The following IL17RA variants were observed in gnomAD, a reference collection of about 807,000 sequenced individuals.
The protein encoded by IL17RA is interleukin-17 receptor A.
A neutral mutation model predicts 50.4 loss-of-function variants in IL17RA; 34 were observed. The observed-to-expected ratio is 0.67, with a 90% CI of 0.51 to 0.90. The LOEUF (loss-of-function observed/expected upper bound fraction) is 0.90. Ranked by LOEUF, IL17RA falls within the 40% of genes least tolerant of loss-of-function variation. The probability of loss-of-function intolerance (pLI) is 0.00; values close to 1 mark genes in which losing one functional copy is unlikely to be tolerated. For missense variants in IL17RA, 1,276 were observed against 1,169.8 expected, an observed-to-expected ratio of 1.09 and a Z score of -1.32; for synonymous variants, 585 against 510.4, an observed-to-expected ratio of 1.15 and a Z score of -1.97.
In IL17RA at chr22:17,110,807, G is replaced by A. The variant is rs882644; in HGVS notation, c.*987G>A. 93,812 of 152,050 alleles carry A rather than the reference G, an allele frequency of 0.62. 29,385 individuals are homozygous for A. The highest frequency in any genetic ancestry group is 0.71 in the Middle Eastern group (211 of 296). The allele number at this position is 152,050 out of a possible 1,614,324, so 9.4% of individuals were successfully genotyped here. On this transcript the variant is annotated 3_prime_UTR_variant, in exon 13 of 13. Transcript: ENST00000319363. The stretch of plus-strand genomic sequence containing the variant: ...GTACCATTGCAATCCAGCCTGGGCA[G>A]CAGAGTGAGACCCTGTCTCAAAAAA...
intron 1 of IL17RA, among the ~76,000 whole-genome samples, chr22:17,091,240 G>A (rs1162774400): frequency 6.6e-6 from 1 of 152,160 alleles, no homozygotes; most frequent in Non-Finnish European, 1.5e-5. Flanking sequence ...GTCTTTTCAT[G>A]TCAACATATC....
chr22:17,113,175 T>G lies in IL17RA; in HGVS notation c.*3355T>G, dbSNP rs2061451779. The G allele has an allele frequency of 6.6e-6, 1 of 152,174 alleles. No individual in the cohort carries two copies. Among genetic ancestry groups the G allele is most frequent in the African/African-American group, 2.4e-5 (1 of 41,428 alleles). The allele number at this position is 152,174 out of a possible 1,614,324, so 9.4% of individuals were successfully genotyped here. On this transcript the variant is annotated 3_prime_UTR_variant, in exon 13 of 13. Transcript: ENST00000319363. ...TGCAAGGGTATGATGGATATACTTC[T>G]TTCTTGCTTTTGTTGTGTTTTGGTT... is the stretch of plus-strand genomic sequence containing the variant.
Position 17,109,343 on chromosome 22 carries a change from C to T in IL17RA, c.2124C>T (p.Ser708=), listed in dbSNP as rs1375826395. The T allele has an allele frequency of 1.3e-6, 2 of 1,580,780 alleles. No individual in the cohort carries two copies. Among genetic ancestry groups the T allele is most frequent in the East Asian group, 2.3e-5 (1 of 43,616 alleles). Reference sequence around the variant, plus strand: ...GCGAGGCCTGCCCGCTGCTGGGCAGCCCGGGCGCTGGGCGAAATAGCGTCC... The same window carrying T: ...GCGAGGCCTGCCCGCTGCTGGGCAGTCCGGGCGCTGGGCGAAATAGCGTCC... ...GEGEACPLLG[S]PGAGRNSVLF... Residue 708 remains serine, a synonymous_variant, in exon 13 of 13, where the codon AGC becomes AGT. Coordinates refer to ENST00000319363, the MANE Select transcript of IL17RA (RefSeq NM_014339.7).
chr22:17,089,064 G>A (rs757401886), intron 1 of IL17RA, among the ~76,000 whole-genome samples: 4 of 152,092 alleles, frequency 2.6e-5, no homozygotes, highest in African/African-American at 9.7e-5. Context: ...CCAAAATGCT[G>A]GGATTACAAG....
In IL17RA at chr22:17,109,102, G is replaced by A. The variant is rs1568923892; in HGVS notation, c.1883G>A (p.Gly628Asp). 1 of 1,560,374 alleles carries A rather than the reference G, an allele frequency of 6.4e-7. No individual in the cohort carries two copies. The highest frequency in any genetic ancestry group is 2.3e-5 in the East Asian group (1 of 43,198). The change falls in exon 13 of 13, where the codon GGC becomes GAC. Residue 628 changes from glycine to aspartate, a missense_variant. Coordinates refer to ENST00000319363, the MANE Select transcript of IL17RA (RefSeq NM_014339.7). ...VKRAPLVREP[G>D]SQACLAIDPL... ...CGGGCGCCCCTGGTGCGCGAGCCTG[G>A]CTCCCAGGCCTGCCTGGCCATAGAC...
chr22:17,095,992 G>A (rs1407526394), intron 1 of IL17RA, among the ~76,000 whole-genome samples: 1 of 152,194 alleles, frequency 6.6e-6, no homozygotes, highest in South Asian at 2.1e-4. Context: ...TCAAGAGAGA[G>A]GAGGGTGTCA....
intron 5 of IL17RA, among the ~76,000 whole-genome samples, chr22:17,101,419 C>G (rs550622386): frequency 2.2e-4 from 33 of 152,368 alleles, no homozygotes; most frequent in African/African-American, 7.9e-4. Context: ...GCTCATCACT[C>G]CCTGACTGGT....
chr22:17,106,382 G>A (rs2061414905), intron 11 of IL17RA, among the ~76,000 whole-genome samples: 1 of 152,144 alleles, frequency 6.6e-6, no homozygotes. Flanking sequence ...GAGCCACAGG[G>A]GTGGACCCCA....
At chr22:17,094,677 C>CTATATATATATATGTGTA (rs1568917424) in intron 1 of IL17RA, among the ~76,000 whole-genome samples, 1 of 49,346 alleles carries the variant, frequency 2.0e-5, no homozygotes, top group Non-Finnish European at 3.9e-5. Flanking sequence ...CTCTCTCTCT[C>CTATATATATATATGTGTA]TCTCTCTCTC....
At chr22:17,100,007 A>C (rs528177633) in intron 4 of IL17RA, among the ~76,000 whole-genome samples, 14 of 152,278 alleles carry the variant, frequency 9.2e-5, no homozygotes, top group African/African-American at 3.1e-4. Flanking sequence ...CATAGCCCCA[A>C]GTCCCCTGGC....
intron 10 of IL17RA, 120 bp downstream of exon 10, chr22:17,105,722 G>GTTTATCGT: frequency 7.2e-7 from 1 of 1,387,306 alleles, no homozygotes; most frequent in African/African-American, 1.5e-5. Flanking sequence ...GCCCGGGGTG[G>GTTTATCGT]GGGGTGAGAC....
chr22:17,114,698 G>C lies in IL17RA; in HGVS notation c.*4878G>C, dbSNP rs1285493774. ...TCACCAGTGTCATGGGATTCTCTCA[G>C]AAGATGAAAACAGCCCCTGCTTTTT... is the stretch of plus-strand genomic sequence containing the variant. On this transcript the variant is annotated 3_prime_UTR_variant, in exon 13 of 13. Transcript: ENST00000319363. 6.6e-6 allele frequency: 1 copy of C among 152,194 alleles called. No homozygotes were observed. The highest frequency in any genetic ancestry group is 1.5e-5 in the Non-Finnish European group (1 of 68,050). 9.4% of individuals were successfully genotyped at this position (152,194 alleles called of 1,614,324 possible).
chr22:17,094,691 C>CTCTCTATATATATATATATA (rs1448096911), intron 1 of IL17RA, among the ~76,000 whole-genome samples: 3 of 24,702 alleles, frequency 1.2e-4, no homozygotes, highest in African/African-American at 2.3e-4. Flanking sequence ...CTCTCTCTCT[C>CTCTCTATATATATATATATA]TATATATATA....
At chr22:17,088,417 C>G (rs1253144853) in intron 1 of IL17RA, among the ~76,000 whole-genome samples, 1 of 151,878 alleles carries the variant, frequency 6.6e-6, no homozygotes, top group Non-Finnish European at 1.5e-5. Context: ...CTCCCGAGTT[C>G]AAGCAATTCT....
chr22:17,107,823 C>T (rs2061420441), intron 12 of IL17RA, 55 bp downstream of exon 12: 11 of 1,532,130 alleles, frequency 7.2e-6, no homozygotes, highest in East Asian at 6.7e-5. Flanking sequence ...GGAGGGTTCT[C>T]CTGGGATAAG....
rs994239884 is a variant in IL17RA, at chr22:17,109,764, CAGA to C, written c.2550_2552del (p.Lys850del). The C allele has an allele frequency of 4.5e-6, 7 of 1,554,104 alleles. No homozygotes were observed. The highest frequency in any genetic ancestry group is 1.4e-5 in the African/African-American group (1 of 73,490). On this transcript the variant is annotated inframe_deletion, in exon 13 of 13. Coordinates refer to ENST00000319363, the MANE Select transcript of IL17RA (RefSeq NM_014339.7). ...GCGGCAGCTGCTTTTCCGCCAGCTG[CAGA>C]AGAACTCGGGCTGGGACACGATGGG...
At chr22:17,105,310 A>G (rs1355756139) in intron 9 of IL17RA, among the ~76,000 whole-genome samples, 2 of 152,202 alleles carry the variant, frequency 1.3e-5, no homozygotes, top group Non-Finnish European at 2.9e-5. Context: ...GCCCTAATGC[A>G]CGGGAGGCTG....
chr22:17,094,673 C>CTATATATATATATATATGTG (rs1568917416), intron 1 of IL17RA, among the ~76,000 whole-genome samples: 2 of 47,850 alleles, frequency 4.2e-5, no homozygotes, highest in Non-Finnish European at 8.1e-5. Context: ...CTCTCTCTCT[C>CTATATATATATATATATGTG]TCTCTCTCTC....
At position 17,108,621 on chromosome 22, in the gene IL17RA, C is replaced by T. The variant is rs1465132286; in HGVS notation, c.1402C>T (p.Arg468Cys). Residue 468 changes from arginine (R) to cysteine (C), a missense_variant, in exon 13 of 13, where the codon CGC becomes TGC. Coordinates refer to ENST00000319363, the MANE Select transcript of IL17RA (RefSeq NM_014339.7). The stretch of plus-strand genomic sequence containing the variant: ...GGGCCGGGGGGCGCCTGTGCGGCTG[C>T]GCTGCGACCACGGAAAGCCCGTGGG... ...LLGRGAPVRL[R>C]CDHGKPVGDL... 3.1e-6 allele frequency: 5 copies of T among 1,604,524 alleles called. No homozygotes were observed. Among genetic ancestry groups the T allele is most frequent in the African/African-American group, 1.3e-5 (1 of 74,894 alleles).
Sources: gnomAD v4.1 joint callset for allele counts (sites outside exome capture counted in the v4.1 genomes callset) on GRCh38, gnomAD v4.1.1 for gene constraint, MANE v1.5 for transcripts, NCBI Gene and HGNC (gene_info 2026-07-23, HGNC 2026-07-21) for gene names.